The following TEX11 variants were observed in gnomAD, a reference collection of about 807,000 sequenced individuals.
The protein encoded by TEX11 is testis expressed 11.
A neutral mutation model predicts 84.4 loss-of-function variants in TEX11; 7 were observed. That is an observed-to-expected ratio of 0.08 (90% CI 0.05 to 0.16). The LOEUF (loss-of-function observed/expected upper bound fraction) is 0.16. Ranked by LOEUF, TEX11 falls within the 10% of genes least tolerant of loss-of-function variation. TEX11 has a pLI of 1.00. For synonymous variants in TEX11, 264 were observed against 222.8 expected, an observed-to-expected ratio of 1.18 and a Z score of -1.64; for missense variants, 551 against 660.5, an observed-to-expected ratio of 0.83 and a Z score of 1.82.
intron 13 of TEX11, among the ~76,000 whole-genome samples, chrX:70,704,221 CT>C (rs1426506164): frequency 9.1e-6 from 1 of 110,102 alleles, no homozygotes; most frequent in Non-Finnish European, 1.9e-5. Flanking sequence ...GAAACGGATG[CT>C]GCCACACTTC....
intron 13 of TEX11, among the ~76,000 whole-genome samples, chrX:70,720,509 A>G (rs767726461): frequency 4.5e-5 from 5 of 109,901 alleles, no homozygotes; most frequent in African/African-American, 1.7e-4. Context: ...CCTAGAACTT[A>G]AAGTATAATA....
At chrX:70,804,265 C>T (rs1007382805) in intron 9 of TEX11, among the ~76,000 whole-genome samples, 2 of 112,040 alleles carry the variant, frequency 1.8e-5, no homozygotes, top group Non-Finnish European at 3.8e-5. Context: ...GTAAACCCCA[C>T]AACAATTCTA....
chrX:70,907,621 T>C, intron 2 of TEX11, 132 bp downstream of exon 2: 1 of 472,540 alleles, frequency 2.1e-6, no homozygotes, highest in Non-Finnish European at 3.8e-6. Context: ...CTCGAGCCCC[T>C]GACCTCGTGA....
chrX:70,889,285 C>G lies in TEX11; in HGVS notation c.38-9176G>C, dbSNP rs2091725537. 2.7e-5 allele frequency among the ~76,000 whole-genome samples: 3 copies of G among 109,598 alleles called. No individual in the cohort carries two copies. The South Asian group carries it at 1.2e-3, about 44-fold the overall frequency. On this transcript the variant is annotated intron_variant, in intron 2 of 29. Coordinates refer to ENST00000374333, the MANE Select transcript of TEX11 (RefSeq NM_031276.3). ...AACAAAAATTAGCCAGGAGTGGTGG[C>G]AGACATCTGTAATCCCAGCTATTTG...
At chrX:70,595,658 C>A (rs779976407) in intron 24 of TEX11, among the ~76,000 whole-genome samples, 4 of 109,891 alleles carry the variant, frequency 3.6e-5, no homozygotes, top group African/African-American at 9.9e-5. Context: ...ATTAAAAGAA[C>A]AAAAATGTTA....
At chrX:70,662,817 A>C (rs750030181) in intron 16 of TEX11, among the ~76,000 whole-genome samples, 226 of 111,700 alleles carry the variant, frequency 2.0e-3, no homozygotes, top group Non-Finnish European at 2.5e-3. Flanking sequence ...AGTGATAGAA[A>C]GCATACCAGT....
chrX:70,764,585 GACT>G (rs1490767406), intron 9 of TEX11, among the ~76,000 whole-genome samples: 10 of 111,471 alleles, frequency 9.0e-5, no homozygotes, highest in Non-Finnish European at 1.5e-4. Context: ...ACTTTAGCCA[GACT>G]ATCTAAGAAA....
Position 70,682,738 on chromosome X carries a change from A to G in TEX11, c.1092T>C (p.Thr364=), listed in dbSNP as rs1295775622. 1.7e-6 allele frequency: 2 copies of G among 1,208,620 alleles called. No homozygotes were observed. Among genetic ancestry groups the G allele is most frequent in the Middle Eastern group, 2.3e-4 (1 of 4,342 alleles). ...ENIGKVLILH[T]DMLLQRKEEL... ...CTTCCTTCCTTTGTAAAAGCATGTC[A>G]GTATGGAGTATCAGAACTTTTCCAA... Residue 364 remains threonine, a synonymous_variant, in exon 14 of 30, where the codon ACT becomes ACC. Coordinates refer to ENST00000374333, the MANE Select transcript of TEX11 (RefSeq NM_031276.3).
intron 7 of TEX11, among the ~76,000 whole-genome samples, chrX:70,842,995 G>A (rs1257457516): frequency 1.9e-4 from 21 of 111,836 alleles, no homozygotes; most frequent in Non-Finnish European, 1.9e-5. Context: ...CAAACAAATG[G>A]AAGAACATTC....
rs1217011655 is a variant in TEX11 at position 70,572,779 on chromosome X, C to T, written c.2141-17979G>A. On this transcript the variant is annotated intron_variant, in intron 25 of 29. Transcript: ENST00000374333. ...AAAAACCAAGCACCGCATGTTCTCACTCATAGATGGGAATTGAACAATGAG... is the reference window on the plus strand; with the variant it reads ...AAAAACCAAGCACCGCATGTTCTCATTCATAGATGGGAATTGAACAATGAG... 4.0e-5 allele frequency among the ~76,000 whole-genome samples: 4 copies of T among 98,935 alleles called. No homozygotes were observed. The South Asian group carries it at 2.0e-3, about 50-fold the overall frequency. 85.9% of individuals were successfully genotyped at this position (98,935 alleles called of 115,157 possible).
chrX:70,682,618 T>C, intron 14 of TEX11, 56 bp downstream of exon 14: 2 of 1,149,136 alleles, frequency 1.7e-6, no homozygotes, highest in Non-Finnish European at 2.3e-6. Flanking sequence ...CTCTGACATC[T>C]AAGAATTATA....
chrX:70,560,246 G>A (rs2088348850), intron 25 of TEX11, among the ~76,000 whole-genome samples: 1 of 109,643 alleles, frequency 9.1e-6, no homozygotes, highest in South Asian at 4.0e-4. Context: ...CGCTTCCCGG[G>A]TTCAAGCGAT....
At chrX:70,852,954 C>A in intron 7 of TEX11, 80 bp downstream of exon 7, 2 of 985,548 alleles carry the variant, frequency 2.0e-6, no homozygotes, top group Non-Finnish European at 1.4e-6. Context: ...GACTTTCTTC[C>A]AATAGGCTAT....
the TEX11 span, among the ~76,000 whole-genome samples, chrX:70,512,957 G>T: frequency 9.2e-6 from 1 of 109,264 alleles, no homozygotes; most frequent in Middle Eastern, 4.6e-3. Flanking sequence ...ACATGGAAAT[G>T]ATCTTCAAGG....
chrX:70,891,666 GA>G (rs1288458866), intron 2 of TEX11, among the ~76,000 whole-genome samples: 3 of 110,288 alleles, frequency 2.7e-5, no homozygotes, highest in Non-Finnish European at 5.7e-5. Context: ...AATAAAGCAA[GA>G]AAAAAAGGTT....
At position 70,722,387 on chromosome X, in the gene TEX11, T is replaced by TC. The variant is rs1381125400; in HGVS notation, c.1004+230dup. On this transcript the variant is annotated intron_variant, in intron 13 of 29. Coordinates refer to ENST00000374333, the MANE Select transcript of TEX11 (RefSeq NM_031276.3). ...GCTGGGCTCAAGTGATCCTCCCGCC[T>TC]CAGCCTCCCGAGTAGCTATGACTAC... Among the ~76,000 whole-genome samples the TC allele has an allele frequency of 2.7e-5, 3 of 112,041 alleles. No homozygotes were observed. In the East Asian group the frequency reaches 8.4e-4, roughly 31 times the overall value.
At chrX:70,740,448 C>T (rs755676773) in intron 11 of TEX11, among the ~76,000 whole-genome samples, 2 of 111,483 alleles carry the variant, frequency 1.8e-5, no homozygotes, top group South Asian at 7.6e-4. Context: ...TTTATTTTTA[C>T]GTCCATTCTA....
intron 25 of TEX11, among the ~76,000 whole-genome samples, chrX:70,566,531 G>C (rs2088482348): frequency 9.0e-6 from 1 of 111,131 alleles, no homozygotes; most frequent in Non-Finnish European, 1.9e-5. Flanking sequence ...TATGATATTG[G>C]CTGTGGGTTT....
chrX:70,718,078 G>A (rs772735712), intron 13 of TEX11, among the ~76,000 whole-genome samples: 5 of 111,490 alleles, frequency 4.5e-5, no homozygotes, highest in Admixed American at 1.9e-4. Flanking sequence ...GTGGAAATTC[G>A]GGTACCGTAT....
Sources: allele counts gnomAD v4.1 joint callset (sites outside exome capture counted in the v4.1 genomes callset), GRCh38; gene constraint gnomAD v4.1.1; transcripts MANE v1.5; gene names NCBI Gene and HGNC (gene_info 2026-07-23, HGNC 2026-07-21).